The following SELENON variants were observed in gnomAD, a reference collection of about 807,000 sequenced individuals.
SELENON encodes the protein selenoprotein N, 1.
Under a neutral mutation model 59.5 loss-of-function variants are expected in SELENON, and 44 were observed. That is an observed-to-expected ratio of 0.74 (90% confidence interval 0.58 to 0.95). SELENON has a LOEUF of 0.95. Among genes scored for constraint, SELENON ranks in the 40% least tolerant of loss-of-function variants. The pLI is 0.00. For synonymous variants in SELENON, 320 were observed against 305.6 expected (o/e 1.05, Z -0.49); for missense variants, 674 against 721.4 (o/e 0.93, Z 0.75).
rs1303946571 is a variant in SELENON, at chr1:25,808,965, C to A, written c.748-61C>A. The A allele has an allele frequency of 6.2e-6, 10 of 1,612,262 alleles. No homozygotes were observed. In the South Asian group the frequency reaches 1.1e-4, roughly 18 times the overall value. ...CCGTCGGGTCTGGGCTGACCCCCAC[C>A]CCAGCGGATCCAGGCCCAGCGGGAC... On this transcript the variant is annotated intron_variant, in intron 5 of 12. Transcript: ENST00000361547.
intron 4 of SELENON, among the ~76,000 whole-genome samples, chr1:25,806,307 G>A (rs554971108): frequency 1.3e-5 from 2 of 152,252 alleles, no homozygotes; most frequent in South Asian, 2.1e-4. Flanking sequence ...TTCTATGGTG[G>A]CTGAATATCG....
rs1244509664 is a variant in SELENON at position 25,814,203 on chromosome 1, C to T, written c.1602+25C>T. On this transcript the variant is annotated intron_variant, in intron 12 of 12. Transcript: ENST00000361547. ...GGTAGGCACCCCCACTCAGACCCCA[C>T]AGGGCCCAGGCACCTCGGGGCCCCG... 2.5e-6 allele frequency: 4 copies of T among 1,600,264 alleles called. No homozygotes were observed. In the East Asian group the frequency reaches 9.0e-5, roughly 36 times the overall value.
intron 6 of SELENON, 81 bp downstream of exon 5, chr1:25,809,231 C>T (rs576940091): frequency 1.9e-6 from 3 of 1,589,204 alleles, no homozygotes; most frequent in East Asian, 2.3e-5. Flanking sequence ...CCAGCTTGAG[C>T]CCCCCAGCTC....
Position 25,808,758 on chromosome 1 carries a change from G to A in SELENON, c.716G>A (p.Arg239His), listed in dbSNP as rs199709671. 248 of 1,613,758 alleles carry A rather than the reference G, an allele frequency of 1.5e-4. No homozygotes were observed. Among genetic ancestry groups the A allele is most frequent in the Admixed American group, 1.7e-4 (10 of 60,012 alleles). ...TTCACTGGCTACCTGTCCAACAACC[G>A]CTTCTATCCACCGCCGCCCAAGGGC... The change falls in exon 5 of 13, where the codon CGC (arginine) becomes CAC (histidine). Residue 239 changes from arginine (R) to histidine (H), a missense_variant. By Grantham distance (29) the Arg-to-His change is conservative (BLOSUM62 0). Coordinates refer to ENST00000361547, the MANE Select transcript of SELENON (RefSeq NM_020451.3).
Position 25,801,023 on chromosome 1 carries a change from C to CGCCA in SELENON, c.184-20_184-19insGCCA. 1.2e-6 allele frequency: 2 copies of CGCCA among 1,603,924 alleles called. No homozygotes were observed. Among genetic ancestry groups the CGCCA allele is most frequent in the Non-Finnish European group, 1.7e-6 (2 of 1,170,776 alleles). ...CCAGGCCGCCAAATGGTGCCCAGCCCAGTCTCTCCTCCCAAGCAGGAACTG... is the reference window on the plus strand; with the variant it reads ...CCAGGCCGCCAAATGGTGCCCAGCCCGCCAAGTCTCTCCTCCCAAGCAGGAACTG... On this transcript the variant is annotated intron_variant, in intron 1 of 12. Coordinates refer to ENST00000361547, the MANE Select transcript of SELENON (RefSeq NM_020451.3).
chr1:25,806,055 A>T (rs1049491495), intron 4 of SELENON, among the ~76,000 whole-genome samples: 11 of 152,316 alleles, frequency 7.2e-5, no homozygotes, highest in African/African-American at 2.6e-4. Flanking sequence ...CTCTGCCAGG[A>T]ACACTGCCTC....
In SELENON at chr1:25,809,260, C is replaced by A. The variant is rs1339229255; in HGVS notation, c.872+110C>A. 9 of 1,514,306 alleles carry A rather than the reference C, an allele frequency of 5.9e-6. No homozygotes were observed. In the Admixed American group the frequency reaches 1.5e-4, roughly 25 times the overall value. The allele number at this position is 1,514,306 out of a possible 1,614,324, so 93.8% of individuals were successfully genotyped here. On this transcript the variant is annotated intron_variant, in intron 6 of 12. Coordinates refer to ENST00000361547, the MANE Select transcript of SELENON (RefSeq NM_020451.3). Reference sequence around the variant, plus strand: ...CCAGCTCCACCTCTCCTCCCACTGCCGTCTTGGGCAAGCAGCTTTGGCTCT... The same window carrying A: ...CCAGCTCCACCTCTCCTCCCACTGCAGTCTTGGGCAAGCAGCTTTGGCTCT...
chr1:25,805,015 A>C, intron 3 of SELENON, 127 bp from the exon 3 acceptor site: 1 of 1,190,812 alleles, frequency 8.4e-7, no homozygotes, highest in Non-Finnish European at 1.2e-6. Context: ...TACTTTGGTG[A>C]CTGTTAACAC....
chr1:25,808,572 C>T lies in SELENON; in HGVS notation c.538-8C>T, dbSNP rs538835367. The T allele has an allele frequency of 5.4e-5, 87 of 1,613,142 alleles. No individual in the cohort carries two copies. The South Asian group carries it at 5.8e-4, about 11-fold the overall frequency. On this transcript the variant is annotated splice_region_variant and splice_polypyrimidine_tract_variant and intron_variant, in intron 4 of 12. Transcript: ENST00000361547. ...AGATTCCTGGAGCTTTGCTTTCCCCCGCCCCAGGTCTCCCGCCTCGCCCTG... is the reference window on the plus strand; with the variant it reads ...AGATTCCTGGAGCTTTGCTTTCCCCTGCCCCAGGTCTCCCGCCTCGCCCTG...
chr1:25,805,185 T>C lies in SELENON; in HGVS notation c.447T>C (p.Pro149=). 3.7e-6 allele frequency: 6 copies of C among 1,614,052 alleles called. No homozygotes were observed. Among genetic ancestry groups the C allele is most frequent in the Non-Finnish European group, 5.1e-6 (6 of 1,179,998 alleles). ...GCTGCGAGGAGGAGGAGTTGCCCCC[T>C]GACCCTAGCGAGGAGACGCTCACCA... The change falls in exon 4 of 13, where the codon CCT becomes CCC. Residue 149 remains proline, a synonymous_variant. Transcript: ENST00000361547.
rs2047898294 is a variant in SELENON, at chr1:25,805,371, C to G, written c.537+96C>G. The G allele has an allele frequency of 7.7e-6, 12 of 1,550,550 alleles. 1 individual carries two copies. The South Asian group carries it at 1.2e-4, about 16-fold the overall frequency. On this transcript the variant is annotated intron_variant, in intron 4 of 12. Coordinates refer to ENST00000361547, the MANE Select transcript of SELENON (RefSeq NM_020451.3). ...CATCTTTCCTCTGCCCTCTGTGTGC[C>G]CACTAGAGCCAGGCCCTGGAGGTCC...
rs960468382 is a variant in SELENON at position 25,813,962 on chromosome 1, G to A, written c.1469G>A (p.Trp490Ter). 3 of 1,614,114 alleles carry A rather than the reference G, an allele frequency of 1.9e-6. No homozygotes were observed. In the Admixed American group the frequency reaches 5.0e-5, roughly 27 times the overall value. ...CTCAACGAGAGCTTCATCAGCACCT[G>A]GTCCCTGGTGAAGGAGCTGGAGGAA... Residue 490 changes from tryptophan (W) to a stop codon, truncating the protein, a stop_gained, in exon 11 of 13, where the codon TGG (tryptophan) becomes TAG (stop). Coordinates refer to ENST00000361547, the MANE Select transcript of SELENON (RefSeq NM_020451.3). LOFTEE classifies it high-confidence loss of function.
In SELENON at chr1:25,815,556, C is replaced by T. The variant is rs781156132; in HGVS notation, c.1611C>T (p.His537=). ...CCCGGCCCTTCTCCCAGGTCCATCA[C>T]ATCAATGCCAACTACTTCTTGGACA... is the stretch of plus-strand genomic sequence containing the variant. The change falls in exon 13 of 13, where the codon CAC becomes CAT. Residue 537 remains histidine, a synonymous_variant. Coordinates refer to ENST00000361547, the MANE Select transcript of SELENON (RefSeq NM_020451.3). 15 of 1,614,014 alleles carry T rather than the reference C, an allele frequency of 9.3e-6. No individual in the cohort carries two copies. In the South Asian group the frequency reaches 1.5e-4, roughly 17 times the overall value.
chr1:25,809,789 C>G lies in SELENON; in HGVS notation c.979C>G (p.Arg327Gly). The G allele has an allele frequency of 6.2e-7, 1 of 1,613,996 alleles. No homozygotes were observed. Among genetic ancestry groups the G allele is most frequent in the Non-Finnish European group, 8.5e-7 (1 of 1,180,032 alleles). Residue 327 changes from arginine to glycine, a missense_variant, in exon 7 of 13, where the codon CGC becomes GGC. Transcript: ENST00000361547. The stretch of plus-strand genomic sequence containing the variant: ...CCTCTCCAAAGACGCCACCCACGTC[C>G]GCGACTTCCGGCTCTTCGTGCCCAA...
chr1:25,809,964 C>T (rs991558859), intron 7 of SELENON, 144 bp downstream of exon 6: 178 of 1,030,740 alleles, frequency 1.7e-4, no homozygotes, highest in Non-Finnish European at 2.5e-4. Context: ...TGGCAGGAGG[C>T]GGCATGAGGC....
chr1:25,806,871 G>C (rs545980129), intron 4 of SELENON, among the ~76,000 whole-genome samples: 1 of 148,470 alleles, frequency 6.7e-6, no homozygotes, highest in African/African-American at 2.5e-5. Flanking sequence ...GCCCAGGCTG[G>C]AGTGCAGTGG....
chr1:25,807,055 CTCGT>C lies in SELENON; in HGVS notation c.538-1524_538-1521del, dbSNP rs1435432288. 1.3e-5 allele frequency among the ~76,000 whole-genome samples: 2 copies of C among 152,000 alleles called. No individual in the cohort carries two copies. Among genetic ancestry groups the C allele is most frequent in the Non-Finnish European group, 2.9e-5 (2 of 68,002 alleles). On this transcript the variant is annotated intron_variant, in intron 4 of 12. Transcript: ENST00000361547. The surrounding 1 kb of genome is among the most constrained non-coding windows in gnomAD (Gnocchi z 4.5). ...ACCAGGATGGTTTCAATCTCCTGACCTCGTGATCCACCTGCCTCGGCCTCCCGAA... is the reference window on the plus strand; with the variant it reads ...ACCAGGATGGTTTCAATCTCCTGACCGATCCACCTGCCTCGGCCTCCCGAA...
intron 2 of SELENON, 46 bp downstream of exon 2, chr1:25,801,206 C>T: frequency 6.8e-7 from 1 of 1,472,482 alleles, no homozygotes; most frequent in South Asian, 1.1e-5. Flanking sequence ...CCTTGGCCAA[C>T]GGTGTCTTCA....
At chr1:25,806,973 C>G (rs1442088025) in intron 4 of SELENON, among the ~76,000 whole-genome samples, 3 of 152,132 alleles carry the variant, frequency 2.0e-5, no homozygotes, top group African/African-American at 4.8e-5. Context: ...AGGTGCCCAC[C>G]ACCACACCCG....
Sources: allele counts gnomAD v4.1 joint callset (sites outside exome capture counted in the v4.1 genomes callset), GRCh38; gene constraint gnomAD v4.1.1; non-coding constraint Gnocchi (gnomAD v3.1); transcripts MANE v1.5; gene names NCBI Gene and HGNC (gene_info 2026-07-23, HGNC 2026-07-21).